The following KLHL1 variants were observed in gnomAD, a reference collection of about 807,000 sequenced individuals.
KLHL1 encodes kelch like family member 1.
A neutral mutation model predicts 77.7 loss-of-function variants in KLHL1; 47 were observed. The observed-to-expected ratio is 0.60, with a 90% CI of 0.48 to 0.77. KLHL1 has a LOEUF of 0.77. Ranked by LOEUF, KLHL1 falls within the 30% of genes least tolerant of loss-of-function variation. The probability of loss-of-function intolerance (pLI) is 0.00; values close to 1 mark genes in which losing one functional copy is unlikely to be tolerated. For missense variants in KLHL1, 925 were observed against 910.8 expected, an observed-to-expected ratio of 1.02 and a Z score of -0.20; for synonymous variants, 360 against 325.2, an observed-to-expected ratio of 1.11 and a Z score of -1.15.
chr13:69,870,306 CA>C (rs1427258184), intron 5 of KLHL1, among the ~76,000 whole-genome samples: 2 of 151,972 alleles, frequency 1.3e-5, no homozygotes, highest in Non-Finnish European at 2.9e-5. Context: ...AACATCTCTC[CA>C]GAGAACTAAT....
At chr13:69,703,519 T>G (rs530623048) in intron 10 of KLHL1, among the ~76,000 whole-genome samples, 17 of 151,692 alleles carry the variant, frequency 1.1e-4, no homozygotes, top group Middle Eastern at 6.8e-3. Context: ...AAAATAAGTT[T>G]AGTGTAGCCT....
At chr13:69,817,153 A>G (rs1348584499) in intron 6 of KLHL1, among the ~76,000 whole-genome samples, 1 of 152,160 alleles carries the variant, frequency 6.6e-6, no homozygotes, top group African/African-American at 2.4e-5. Context: ...AAAATAAGCA[A>G]GCCCTTGTTA....
At chr13:70,009,064 G>A (rs1267974458) in intron 1 of KLHL1, among the ~76,000 whole-genome samples, 1 of 151,976 alleles carries the variant, frequency 6.6e-6, no homozygotes, top group Non-Finnish European at 1.5e-5. Context: ...GAATAATTGG[G>A]GGGTTTTGAA....
chr13:69,739,101 C>T (rs1873880419), intron 8 of KLHL1, among the ~76,000 whole-genome samples: 1 of 152,144 alleles, frequency 6.6e-6, no homozygotes, highest in African/African-American at 2.4e-5. Context: ...CAGTATTCAA[C>T]AGTTTTAAAG....
At chr13:70,063,390 T>G (rs946695135) in intron 1 of KLHL1, among the ~76,000 whole-genome samples, 11 of 152,136 alleles carry the variant, frequency 7.2e-5, no homozygotes, top group African/African-American at 2.4e-4. Flanking sequence ...TTTTACAGAT[T>G]TTAACATTTA....
At chr13:69,999,645 G>C (rs1378599085) in intron 1 of KLHL1, among the ~76,000 whole-genome samples, 4 of 152,000 alleles carry the variant, frequency 2.6e-5, no homozygotes, top group African/African-American at 7.2e-5. Context: ...CTGGAAACCA[G>C]GAGACTGACT....
At chr13:70,075,502 A>AAT (rs1190056231) in intron 1 of KLHL1, among the ~76,000 whole-genome samples, 4 of 146,508 alleles carry the variant, frequency 2.7e-5, no homozygotes, top group Admixed American at 6.9e-5. Flanking sequence ...AATAACAATT[A>AAT]ATATATATAT....
chr13:69,765,041 TCC>T (rs1156838140), intron 7 of KLHL1, among the ~76,000 whole-genome samples: 1 of 135,010 alleles, frequency 7.4e-6, no homozygotes, highest in African/African-American at 2.8e-5. Flanking sequence ...AGCCTCCACC[TCC>T]CAGGTTCAAG....
Position 70,084,583 on chromosome 13 carries a change from C to T in KLHL1, c.497+22620G>A, listed in dbSNP as rs565967505. Among the ~76,000 whole-genome samples the T allele has an allele frequency of 4.5e-5, 6 of 133,252 alleles. 1 individual carries two copies. Among genetic ancestry groups the T allele is most frequent in the African/African-American group, 5.6e-5 (2 of 35,468 alleles). The allele number at this position is 133,252 out of a possible 152,430, so 87.4% of individuals were successfully genotyped here. On this transcript the variant is annotated intron_variant, in intron 1 of 10. Transcript: ENST00000377844. ...ACGCCATTTTCCTGCCTCAGCCTCC[C>T]GAGTAGCTGGGACTACAGGCACCTG... is the stretch of plus-strand genomic sequence containing the variant.
At chr13:69,803,237 A>G (rs1877468748) in intron 6 of KLHL1, among the ~76,000 whole-genome samples, 1 of 152,174 alleles carries the variant, frequency 6.6e-6, no homozygotes, top group South Asian at 2.1e-4. Flanking sequence ...CTTTACCTAC[A>G]TTACTACATT....
chr13:69,976,538 AATAT>A (rs1390815565), intron 1 of KLHL1, among the ~76,000 whole-genome samples: 2 of 152,132 alleles, frequency 1.3e-5, no homozygotes, highest in Non-Finnish European at 1.5e-5. Flanking sequence ...GAAGACTGTT[AATAT>A]TCAAGTTTCA....
chr13:70,086,710 T>TG (rs1887553306), intron 1 of KLHL1, among the ~76,000 whole-genome samples: 1 of 149,442 alleles, frequency 6.7e-6, no homozygotes, highest in Admixed American at 6.7e-5. Flanking sequence ...TTTTCAAACT[T>TG]TTTTTTTTTT....
At chr13:69,909,525 T>A (rs950436590) in intron 4 of KLHL1, among the ~76,000 whole-genome samples, 1 of 152,002 alleles carries the variant, frequency 6.6e-6, no homozygotes, top group African/African-American at 2.4e-5. Context: ...TTGTTTTTCT[T>A]TTGGGGATAA....
intron 7 of KLHL1, among the ~76,000 whole-genome samples, chr13:69,789,395 A>G (rs989575336): frequency 2.0e-5 from 3 of 152,076 alleles, no homozygotes; most frequent in Non-Finnish European, 4.4e-5. Flanking sequence ...AACAGCATAT[A>G]TGTTAGAAAA....
At chr13:70,087,971 G>A (rs1207600889) in intron 1 of KLHL1, among the ~76,000 whole-genome samples, 1 of 152,068 alleles carries the variant, frequency 6.6e-6, no homozygotes, top group Non-Finnish European at 1.5e-5. Flanking sequence ...ATGCATGTGG[G>A]GGCTTCATAT....
At chr13:69,960,158 T>C (rs1256334848) in intron 3 of KLHL1, among the ~76,000 whole-genome samples, 3 of 150,520 alleles carry the variant, frequency 2.0e-5, no homozygotes, top group Non-Finnish European at 4.4e-5. Context: ...AGTGTTATCT[T>C]AGTGTTAGCA....
rs180730872 is a variant in KLHL1 at position 69,856,619 on chromosome 13, G to T, written c.1228-17457C>A. On this transcript the variant is annotated intron_variant, in intron 5 of 10. Coordinates refer to ENST00000377844, the MANE Select transcript of KLHL1 (RefSeq NM_020866.3). ...GACATTCCAAACATTTTGCTCATCT[G>T]TCTGTTAAAAACTTTTATCTGCAAT... Among the ~76,000 whole-genome samples the T allele has an allele frequency of 1.0e-3, 155 of 152,044 alleles. 2 individuals are homozygous for T. Among genetic ancestry groups the T allele is most frequent in the Non-Finnish European group, 1.7e-3 (116 of 67,946 alleles).
chr13:69,834,620 A>G (rs1227020344), intron 6 of KLHL1, among the ~76,000 whole-genome samples: 1 of 152,136 alleles, frequency 6.6e-6, no homozygotes, highest in East Asian at 1.9e-4. Context: ...ATTACTTGCA[A>G]TTTAAATTTA....
chr13:69,912,542 T>G (rs911800112), intron 4 of KLHL1, among the ~76,000 whole-genome samples: 1 of 152,236 alleles, frequency 6.6e-6, no homozygotes, highest in South Asian at 2.1e-4. Context: ...TTCTACTTTT[T>G]CAGTTTCTTT....
Sources: allele counts gnomAD v4.1 joint callset (sites outside exome capture counted in the v4.1 genomes callset), GRCh38; gene constraint gnomAD v4.1.1; transcripts MANE v1.5; gene names NCBI Gene and HGNC (gene_info 2026-07-23, HGNC 2026-07-21).